The following RBFOX1 variants were observed in gnomAD, a reference collection of about 807,000 sequenced individuals.
RBFOX1 encodes the protein RNA binding fox-1 homolog 1, also known as RNA binding protein fox-1 homolog 1.
A neutral mutation model predicts 57.7 loss-of-function variants in RBFOX1; 8 were observed. That is an observed-to-expected ratio of 0.14 (90% CI 0.08 to 0.25). The LOEUF (loss-of-function observed/expected upper bound fraction) is 0.25. RBFOX1 is among the 10% of genes least tolerant of loss of function. The probability of loss-of-function intolerance (pLI) is 1.00; values close to 1 mark genes in which losing one functional copy is unlikely to be tolerated. For missense variants in RBFOX1, 611 were observed against 548.5 expected (o/e 1.11, Z -1.14); for synonymous variants, 326 against 222.4 (o/e 1.47, Z -4.15).
At chr16:7,654,960 G>A (rs189517163) in intron 12 of RBFOX1, among the ~76,000 whole-genome samples, 47 of 152,284 alleles carry the variant, frequency 3.1e-4, no homozygotes, top group African/African-American at 7.0e-4. Context: ...TAAATTCAGC[G>A]ATCCCCAGAA....
chr16:6,150,189 C>T (rs551889562), intron 1 of RBFOX1, among the ~76,000 whole-genome samples: 1 of 152,110 alleles, frequency 6.6e-6, no homozygotes, highest in African/African-American at 2.4e-5. Context: ...GGAAGCATAT[C>T]GTGAGACCAG....
At chr16:5,526,798 G>T (rs1359219119) in intron 2 of RBFOX1, among the ~76,000 whole-genome samples, 2 of 152,158 alleles carry the variant, frequency 1.3e-5, no homozygotes, top group African/African-American at 4.8e-5. Context: ...TGTCCATAAC[G>T]TGTTTGTAGG....
At chr16:7,032,779 AC>A (rs1236458112) in intron 3 of RBFOX1, among the ~76,000 whole-genome samples, 3 of 150,926 alleles carry the variant, frequency 2.0e-5, no homozygotes, top group Non-Finnish European at 3.0e-5. Context: ...TCTATGAGAC[AC>A]CCCCGCCTTG....
chr16:7,382,749 G>A (rs1347605397), intron 4 of RBFOX1, among the ~76,000 whole-genome samples: 1 of 152,202 alleles, frequency 6.6e-6, no homozygotes, highest in East Asian at 1.9e-4. Flanking sequence ...ACGTTCCAAA[G>A]CCAGCATACA....
chr16:7,437,483 A>G lies in RBFOX1; in HGVS notation c.28-80664A>G, dbSNP rs187829299. Among the ~76,000 whole-genome samples, 304 of 152,322 alleles carry G rather than the reference A, an allele frequency of 2.0e-3. 2 individuals carry two copies. Among genetic ancestry groups the G allele is most frequent in the African/African-American group, 7.0e-3 (292 of 41,574 alleles). ...TAATGTTAAAAATTGTTGACGTTCC[A>G]TGCAGTGTGTTTTTCTAATTAGAGC... On this transcript the variant is annotated intron_variant, in intron 4 of 15. Transcript: ENST00000550418.
At chr16:6,239,323 C>G (rs114710078) in intron 1 of RBFOX1, among the ~76,000 whole-genome samples, 14 of 152,032 alleles carry the variant, frequency 9.2e-5, no homozygotes, top group Non-Finnish European at 1.9e-4. Context: ...TGGGCCCCAC[C>G]GTGTCCGAAG....
chr16:6,059,126 T>C (rs2095653276), intron 1 of RBFOX1: 1 of 152,226 alleles, frequency 6.6e-6, no homozygotes, highest in Admixed American at 6.5e-5. Flanking sequence ...TAGGGTTAGG[T>C]TTGGCAGAAA....
At chr16:7,709,016 G>C (rs773631336) in intron 14 of RBFOX1, 40 bp from the exon 15 acceptor site, 2 of 1,543,534 alleles carry the variant, frequency 1.3e-6, no homozygotes, top group Admixed American at 3.3e-5. Flanking sequence ...TTTTGTAATT[G>C]CATACTGTGG....
chr16:7,277,197 A>AT (rs917671618), intron 4 of RBFOX1, among the ~76,000 whole-genome samples: 5 of 152,046 alleles, frequency 3.3e-5, no homozygotes, highest in South Asian at 2.1e-4. Context: ...TTATTTAATG[A>AT]TTTTTTTTCA....
At chr16:5,351,702 G>T (rs2065265744) in intron 1 of RBFOX1, among the ~76,000 whole-genome samples, 1 of 152,202 alleles carries the variant, frequency 6.6e-6, no homozygotes, top group African/African-American at 2.4e-5. Flanking sequence ...AGGAATTCAG[G>T]TTGGACCCTT....
chr16:7,012,214 C>A (rs1460748368), intron 3 of RBFOX1, among the ~76,000 whole-genome samples: 1 of 152,126 alleles, frequency 6.6e-6, no homozygotes, highest in East Asian at 1.9e-4. Context: ...TGTTTTTGTT[C>A]AACTTGCTTA....
intron 2 of RBFOX1, among the ~76,000 whole-genome samples, chr16:5,581,468 G>C (rs1227133059): frequency 1.3e-5 from 2 of 152,210 alleles, no homozygotes; most frequent in Non-Finnish European, 2.9e-5. Flanking sequence ...CGAGTCAGTG[G>C]TGGAGGCAGA....
At chr16:5,250,819 G>C (rs1304641934) in intron 1 of RBFOX1, among the ~76,000 whole-genome samples, 1 of 152,198 alleles carries the variant, frequency 6.6e-6, no homozygotes, top group South Asian at 2.1e-4. Context: ...AGTCACAGAC[G>C]GTGTTCTGAT....
chr16:5,307,479 C>G (rs1207004917), intron 1 of RBFOX1, among the ~76,000 whole-genome samples: 3 of 152,112 alleles, frequency 2.0e-5, no homozygotes, highest in Admixed American at 6.5e-5. Context: ...AATGGATTCT[C>G]TCTTACCACT....
intron 2 of RBFOX1, among the ~76,000 whole-genome samples, chr16:6,378,756 C>G (rs1265462257): frequency 1.3e-5 from 2 of 152,282 alleles, no homozygotes; most frequent in Admixed American, 6.5e-5. Flanking sequence ...TCTCAACAAC[C>G]TCTTTATTTC....
intron 4 of RBFOX1, among the ~76,000 whole-genome samples, chr16:5,964,412 A>T (rs774330662): frequency 3.7e-4 from 57 of 152,202 alleles, no homozygotes; most frequent in Non-Finnish European, 6.6e-4. Context: ...TCCAAAGGAA[A>T]TAAAGAGAGG....
chr16:5,617,118 C>A (rs190827055), intron 3 of RBFOX1, among the ~76,000 whole-genome samples: 1 of 151,700 alleles, frequency 6.6e-6, no homozygotes, highest in South Asian at 2.1e-4. Flanking sequence ...TCCCTCCGTC[C>A]GTCCCTCCCT....
chr16:6,235,935 A>C (rs2097502492), intron 1 of RBFOX1, among the ~76,000 whole-genome samples: 1 of 152,112 alleles, frequency 6.6e-6, no homozygotes, highest in African/African-American at 2.4e-5. Flanking sequence ...GGGTGCCCCA[A>C]AATCTCACAA....
chr16:5,323,681 T>C (rs1345654286), intron 1 of RBFOX1, among the ~76,000 whole-genome samples: 1 of 152,250 alleles, frequency 6.6e-6, no homozygotes. Flanking sequence ...GTTAATAAGC[T>C]AACCCGGGCT....
Sources: allele counts gnomAD v4.1 joint callset (sites outside exome capture counted in the v4.1 genomes callset), GRCh38; gene constraint gnomAD v4.1.1; transcripts MANE v1.5; gene names NCBI Gene and HGNC (gene_info 2026-07-23, HGNC 2026-07-21).